The following LINGO2 variants were observed in gnomAD, a reference collection of about 807,000 sequenced individuals.
LINGO2 encodes the protein leucine rich repeat and Ig domain containing 2.
In LINGO2, 14 loss-of-function variants were observed where a neutral mutation model predicts 30.6. That is an observed-to-expected ratio of 0.46 (90% CI 0.30 to 0.72). LINGO2 has a LOEUF of 0.72. Ranked by LOEUF, LINGO2 falls within the 30% of genes least tolerant of loss-of-function variation. The pLI is 0.07. For synonymous variants in LINGO2, 317 were observed against 288.5 expected, an observed-to-expected ratio of 1.10 and a Z score of -1.00; for missense variants, 729 against 751.7, an observed-to-expected ratio of 0.97 and a Z score of 0.35.
the LINGO2 span, among the ~76,000 whole-genome samples, chr9:29,122,209 T>C: frequency 6.6e-6 from 1 of 152,056 alleles, no homozygotes; most frequent in Non-Finnish European, 1.5e-5. Context: ...AGAAACTAAA[T>C]ACGTATGTTC....
chr9:28,707,510 A>C, the LINGO2 span, among the ~76,000 whole-genome samples: 1,129 of 152,276 alleles, frequency 7.4e-3, 18 homozygotes, highest in African/African-American at 0.026. Flanking sequence ...GGAATTCAAA[A>C]CAAAACAAAA....
chr9:28,120,987 A>C (rs79554064), intron 4 of LINGO2, among the ~76,000 whole-genome samples: 33 of 152,332 alleles, frequency 2.2e-4, no homozygotes, highest in African/African-American at 7.9e-4. Context: ...CATCTGTTAC[A>C]TATTGATTTA....
At chr9:28,014,445 A>T (rs535037137) in intron 4 of LINGO2, among the ~76,000 whole-genome samples, 1 of 152,344 alleles carries the variant, frequency 6.6e-6, no homozygotes, top group East Asian at 1.9e-4. Flanking sequence ...AAGTGCCTTA[A>T]ATTAGATCAA....
intron 4 of LINGO2, among the ~76,000 whole-genome samples, chr9:28,248,877 C>T (rs2134002144): frequency 6.6e-6 from 1 of 152,274 alleles, no homozygotes; most frequent in Middle Eastern, 3.4e-3. Flanking sequence ...TAGAATTAGA[C>T]ATCAGGCCTT....
chr9:28,087,663 T>C (rs1253423948), intron 4 of LINGO2, among the ~76,000 whole-genome samples: 2 of 152,152 alleles, frequency 1.3e-5, no homozygotes, highest in East Asian at 3.9e-4. Flanking sequence ...ATACTCAACA[T>C]GCATTTCCAT....
chr9:28,024,235 T>C (rs1425778374), intron 4 of LINGO2, among the ~76,000 whole-genome samples: 1 of 152,198 alleles, frequency 6.6e-6, no homozygotes, highest in Non-Finnish European at 1.5e-5. Flanking sequence ...CTTTCAGGGC[T>C]GCTTCCTACA....
intron 4 of LINGO2, among the ~76,000 whole-genome samples, chr9:28,246,545 G>C (rs1160633857): frequency 6.6e-6 from 1 of 152,124 alleles, no homozygotes; most frequent in Non-Finnish European, 1.5e-5. Flanking sequence ...AAACTGGCTA[G>C]CCGTATGCAG....
At chr9:29,132,319 C>T in the LINGO2 span, among the ~76,000 whole-genome samples, 1 of 152,216 alleles carries the variant, frequency 6.6e-6, no homozygotes, top group South Asian at 2.1e-4. Context: ...ACTTTCCACG[C>T]CCAAGTAACA....
the LINGO2 span, among the ~76,000 whole-genome samples, chr9:29,146,320 A>C: frequency 6.6e-6 from 1 of 152,198 alleles, no homozygotes; most frequent in East Asian, 1.9e-4. Context: ...ACACCACTGC[A>C]CTCCAGTCTG....
intron 4 of LINGO2, among the ~76,000 whole-genome samples, chr9:28,255,335 C>G (rs971590822): frequency 6.6e-6 from 1 of 152,018 alleles, no homozygotes; most frequent in Non-Finnish European, 1.5e-5. Flanking sequence ...CTTCTGCCCT[C>G]TCCTCTAGTG....
At chr9:28,245,937 A>G (rs1821981797) in intron 4 of LINGO2, among the ~76,000 whole-genome samples, 1 of 152,174 alleles carries the variant, frequency 6.6e-6, no homozygotes. Flanking sequence ...AATTAGAAAA[A>G]AAAACTACTT....
intron 4 of LINGO2, among the ~76,000 whole-genome samples, chr9:28,279,655 G>A (rs915232190): frequency 2.7e-4 from 41 of 152,052 alleles, no homozygotes; most frequent in Non-Finnish European, 4.6e-4. Context: ...ATATAATTTT[G>A]TATGCACTAG....
At chr9:28,131,535 T>C (rs773599740) in intron 4 of LINGO2, among the ~76,000 whole-genome samples, 19 of 152,174 alleles carry the variant, frequency 1.2e-4, no homozygotes, top group Admixed American at 7.2e-4. Context: ...ATGAATTGAA[T>C]ATAATGGAGG....
chr9:28,771,452 GGTGTGTGT>G, the LINGO2 span, among the ~76,000 whole-genome samples: 3,688 of 119,986 alleles, frequency 0.031, 75 homozygotes, highest in Middle Eastern at 0.048. Flanking sequence ...TTTCCTATTT[GGTGTGTGT>G]GTGTGTGTGT....
At chr9:28,412,717 C>A (rs889037698) in intron 2 of LINGO2, among the ~76,000 whole-genome samples, 3 of 151,950 alleles carry the variant, frequency 2.0e-5, no homozygotes, top group Non-Finnish European at 4.4e-5. Context: ...GAGGCAATAG[C>A]AATGACATAA....
At chr9:28,710,268 C>A in the LINGO2 span, among the ~76,000 whole-genome samples, 3 of 151,894 alleles carry the variant, frequency 2.0e-5, no homozygotes, top group Middle Eastern at 6.8e-3. Context: ...AGGAAATGAA[C>A]CCTTACCAGA....
At chr9:28,398,403 T>C (rs1033524950) in intron 2 of LINGO2, among the ~76,000 whole-genome samples, 2 of 152,218 alleles carry the variant, frequency 1.3e-5, no homozygotes, top group Admixed American at 6.5e-5. Context: ...AACATTTCTA[T>C]AGTGATTTCC....
At chr9:27,964,207 A>G (rs984219559) in intron 5 of LINGO2, among the ~76,000 whole-genome samples, 1 of 152,108 alleles carries the variant, frequency 6.6e-6, no homozygotes, top group African/African-American at 2.4e-5. Context: ...GCCAAAATGA[A>G]AGCCAGACTT....
intron 1 of LINGO2, among the ~76,000 whole-genome samples, chr9:28,495,865 T>C (rs901933101): frequency 6.6e-6 from 1 of 152,214 alleles, no homozygotes; most frequent in African/African-American, 2.4e-5. Context: ...TGTGTCTTTG[T>C]TCTCATTGGT....
Sources: allele counts gnomAD v4.1 joint callset (sites outside exome capture counted in the v4.1 genomes callset), GRCh38; gene constraint gnomAD v4.1.1; transcripts MANE v1.5; gene names NCBI Gene and HGNC (gene_info 2026-07-23, HGNC 2026-07-21).